ADGRG6: variants seen among roughly 807,000 people sequenced by gnomAD.
ADGRG6 encodes adhesion G protein-coupled receptor G6.
In ADGRG6, 84 loss-of-function variants were observed where a neutral mutation model predicts 142.4. That is an observed-to-expected ratio of 0.59 (90% CI 0.49 to 0.71). The LOEUF (loss-of-function observed/expected upper bound fraction) is 0.71. Ranked by LOEUF, ADGRG6 falls within the 30% of genes least tolerant of loss-of-function variation. ADGRG6 has a pLI of 0.00. For synonymous variants in ADGRG6, 521 were observed against 520.5 expected (o/e 1.00, Z -0.01); for missense variants, 1,367 against 1,466.6 (o/e 0.93, Z 1.11).
In ADGRG6 at chr6:142,377,087, A is replaced by G. The variant is rs867490617; in HGVS notation, c.1070-4864A>G. Among the ~76,000 whole-genome samples the G allele has an allele frequency of 4.6e-5, 7 of 152,278 alleles. No homozygotes were observed. In the Middle Eastern group the frequency reaches 0.01, roughly 222 times the overall value. ...TGTTTCCAGTGATTACATTTTTTTC[A>G]AGAAAACTTGGCTCTAAATGTTGCT... On this transcript the variant is annotated intron_variant, in intron 4 of 24. Transcript: ENST00000367609.
rs1015633298 is a variant in ADGRG6 at position 142,415,900 on chromosome 6, A to G, written c.2774A>G (p.Asn925Ser). 8.7e-6 allele frequency: 14 copies of G among 1,613,524 alleles called. No homozygotes were observed. The highest frequency in any genetic ancestry group is 1.2e-5 in the Non-Finnish European group (14 of 1,179,604). ...CTAGATGGCTGGATCACCTCCTTCAATGTGGATGGACTTTGCATTGCTGTT... is the reference window on the plus strand; with the variant it reads ...CTAGATGGCTGGATCACCTCCTTCAGTGTGGATGGACTTTGCATTGCTGTT... ...FLLDGWITSF[N>S]VDGLCIAVAV... The change falls in exon 20 of 25, where the codon AAT becomes AGT. Residue 925 changes from asparagine (N) to serine (S), a missense_variant. Coordinates refer to ENST00000367609, the MANE Select transcript of ADGRG6 (RefSeq NM_198569.3).
chr6:142,400,496 G>A lies in ADGRG6; in HGVS notation c.1579G>A (p.Ala527Thr). ...TTATGTTCATATAGGTCATTGTCTT[G>A]CCATGGAGGAACCCAAAGGCTACTA... ...VNVRQLGHCLAMEEPKGYYWP... is the reference protein window; with the variant it reads ...VNVRQLGHCLTMEEPKGYYWP... The change falls in exon 11 of 25, where the codon GCC becomes ACC. Residue 527 changes from alanine (A) to threonine (T), a missense_variant. This residue lies in a region of ADGRG6 where 737 missense variants were observed against 746.5 expected (regional missense o/e 0.99). Transcript: ENST00000367609. 6.6e-7 allele frequency: 1 copy of A among 1,525,398 alleles called. No homozygotes were observed. Among genetic ancestry groups the A allele is most frequent in the Non-Finnish European group, 9.1e-7 (1 of 1,100,046 alleles). 94.5% of individuals were successfully genotyped at this position (1,525,398 alleles called of 1,614,324 possible).
chr6:142,351,279 G>A (rs1057081847), intron 2 of ADGRG6, among the ~76,000 whole-genome samples: 1 of 151,940 alleles, frequency 6.6e-6, no homozygotes, highest in African/African-American at 2.4e-5. Flanking sequence ...CAAAGTGGGG[G>A]CATCACACTA....
intron 21 of ADGRG6, among the ~76,000 whole-genome samples, chr6:142,419,571 T>A (rs1302962788): frequency 6.6e-6 from 1 of 152,092 alleles, no homozygotes; most frequent in Non-Finnish European, 1.5e-5. Context: ...AACTCAGAAA[T>A]CAGGAAGCAA....
In ADGRG6 at chr6:142,402,787, A is replaced by G. The variant is rs1431257905; in HGVS notation, c.1912A>G (p.Ile638Val). Reference protein sequence around the residue: ...GSTLMNIFSNILSSSDSDLLE... With the variant: ...GSTLMNIFSNVLSSSDSDLLE... ...AACTCTAATGAATATATTTTCTAAT[A>G]TCTTAAGCAGTTCAGACAGTGACTT... The change falls in exon 13 of 25, where the codon ATC becomes GTC. Residue 638 changes from isoleucine (I) to valine (V), a missense_variant. Transcript: ENST00000367609. 2.5e-6 allele frequency: 4 copies of G among 1,603,656 alleles called. No homozygotes were observed. In the South Asian group the frequency reaches 3.3e-5, roughly 13 times the overall value.
intron 18 of ADGRG6, among the ~76,000 whole-genome samples, chr6:142,414,128 T>C (rs1459402587): frequency 6.6e-6 from 1 of 152,136 alleles, no homozygotes; most frequent in African/African-American, 2.4e-5. Context: ...GGAGGTACTT[T>C]TCTCCTCCAA....
At chr6:142,314,280 C>A (rs1251194027) in intron 2 of ADGRG6, among the ~76,000 whole-genome samples, 1 of 152,188 alleles carries the variant, frequency 6.6e-6, no homozygotes, top group Non-Finnish European at 1.5e-5. Flanking sequence ...ACCACAGTGA[C>A]AATCTCAAGT....
At chr6:142,381,781 T>C (rs1781782878) in intron 4 of ADGRG6, among the ~76,000 whole-genome samples, 170 bp from the exon 5 acceptor site, 1 of 152,274 alleles carries the variant, frequency 6.6e-6, no homozygotes, top group African/African-American at 2.4e-5. Flanking sequence ...ATACTTTGGT[T>C]TTACATTTGA....
intron 2 of ADGRG6, among the ~76,000 whole-genome samples, chr6:142,358,428 A>G (rs1780558433): frequency 6.6e-6 from 1 of 152,230 alleles, no homozygotes; most frequent in African/African-American, 2.4e-5. Flanking sequence ...CAGTCCTTGT[A>G]GAATAAGTCT....
intron 2 of ADGRG6, among the ~76,000 whole-genome samples, chr6:142,347,087 GTTTA>G (rs1779938916): frequency 1.3e-5 from 2 of 151,978 alleles, no homozygotes; most frequent in South Asian, 2.1e-4. Flanking sequence ...TAACATATTT[GTTTA>G]TTTGTTTATA....
chr6:142,308,962 A>G (rs1343846097), intron 1 of ADGRG6, among the ~76,000 whole-genome samples: 3 of 151,932 alleles, frequency 2.0e-5, no homozygotes, highest in African/African-American at 7.2e-5. Context: ...CTGGTGTTCA[A>G]TAGCCATTTA....
intron 14 of ADGRG6, 97 bp downstream of exon 14, chr6:142,404,070 C>T (rs1435876114): frequency 1.1e-6 from 1 of 891,370 alleles, no homozygotes; most frequent in Non-Finnish European, 1.8e-6. Flanking sequence ...AGGTCTTGGT[C>T]CATGAAGTGG....
At chr6:142,414,651 A>G (rs1012386002) in intron 18 of ADGRG6, among the ~76,000 whole-genome samples, 4 of 152,176 alleles carry the variant, frequency 2.6e-5, no homozygotes, top group Admixed American at 2.0e-4. Flanking sequence ...TATGCAAGGC[A>G]ACCGTCTCCT....
chr6:142,400,857 C>G (rs2115012481), intron 11 of ADGRG6: 1 of 338,596 alleles, frequency 3.0e-6, no homozygotes, highest in East Asian at 5.3e-5. Flanking sequence ...GTGGGTAGCA[C>G]CAGAGCAAAG....
At chr6:142,324,142 C>G (rs1332162940) in intron 2 of ADGRG6, among the ~76,000 whole-genome samples, 1 of 152,008 alleles carries the variant, frequency 6.6e-6, no homozygotes, top group African/African-American at 2.4e-5. Context: ...TAATGCAGAC[C>G]TTATTGCCTG....
chr6:142,341,613 A>ATAT (rs1554235675), intron 2 of ADGRG6, among the ~76,000 whole-genome samples: 1 of 122,720 alleles, frequency 8.1e-6, no homozygotes, highest in African/African-American at 3.2e-5. Flanking sequence ...ATACTATATA[A>ATAT]TATGTAGTAT....
chr6:142,302,029 C>T lies in ADGRG6; in HGVS notation c.-301C>T, dbSNP rs1343494207. 3 of 497,498 alleles carry T rather than the reference C, an allele frequency of 6.0e-6. No homozygotes were observed. Among genetic ancestry groups the T allele is most frequent in the African/African-American group, 4.0e-5 (2 of 50,268 alleles). The allele number at this position is 497,498 out of a possible 1,614,324, so 30.8% of individuals were successfully genotyped here. On this transcript the variant is annotated 5_prime_UTR_variant, in exon 1 of 25. Coordinates refer to ENST00000367609, the MANE Select transcript of ADGRG6 (RefSeq NM_198569.3). ...GGCCCGGTCTCCTCAGCACCAGCCCCACGCACACCCTACTTCCTCAGCTTC... is the reference window on the plus strand; with the variant it reads ...GGCCCGGTCTCCTCAGCACCAGCCCTACGCACACCCTACTTCCTCAGCTTC...
At chr6:142,400,354 T>C in intron 10 of ADGRG6, 131 bp from the exon 11 acceptor site, 2 of 571,368 alleles carry the variant, frequency 3.5e-6, no homozygotes, top group Middle Eastern at 4.6e-4. Context: ...AGATAAACAC[T>C]AATATTTTGG....
chr6:142,401,492 A>AT (rs1562368014), intron 11 of ADGRG6, among the ~76,000 whole-genome samples: 2 of 152,024 alleles, frequency 1.3e-5, no homozygotes, highest in Non-Finnish European at 2.9e-5. Flanking sequence ...CATGCTACTG[A>AT]TTTTTTTCCC....
Sources: allele counts gnomAD v4.1 joint callset (sites outside exome capture counted in the v4.1 genomes callset), GRCh38; gene constraint gnomAD v4.1.1; regional missense constraint gnomAD v4.1.1; transcripts MANE v1.5; gene names NCBI Gene and HGNC (gene_info 2026-07-23, HGNC 2026-07-21).